MESP1: variants seen among roughly 807,000 people sequenced by gnomAD.
The protein encoded by MESP1 is mesoderm posterior bHLH transcription factor 1.
In MESP1, 22 loss-of-function variants were observed where a neutral mutation model predicts 15.2. The observed-to-expected ratio is 1.45, with a 90% CI of 1.04 to 2.07. The LOEUF is 2.07. Ranked by LOEUF, MESP1 falls within the 30% of genes most tolerant of loss-of-function variation. MESP1 has a pLI of 0.00. For synonymous variants in MESP1, 216 were observed against 192.6 expected, an observed-to-expected ratio of 1.12 and a Z score of -1.01; for missense variants, 484 against 411.9, an observed-to-expected ratio of 1.17 and a Z score of -1.51.
downstream of MESP1, among the ~76,000 whole-genome samples, chr15:89,745,561 A>G: frequency 6.6e-6 from 1 of 152,128 alleles, no homozygotes; most frequent in East Asian, 1.9e-4. The surrounding 1 kb of genome is among the most constrained non-coding windows in gnomAD (Gnocchi z 4.8). Flanking sequence ...CAGGAGATCG[A>G]GACCATCCTG....
chr15:89,735,662 G>A, the MESP1 span: 1 of 1,108,950 alleles, frequency 9.0e-7, no homozygotes, highest in South Asian at 1.3e-5. Context: ...TTATGTGTTA[G>A]GCACTGGACT....
chr15:89,743,338 G>T, the MESP1 span: 1 of 1,614,092 alleles, frequency 6.2e-7, no homozygotes, highest in Admixed American at 1.7e-5. Flanking sequence ...GGAGCACTGG[G>T]CCCGGCTTCA....
At chr15:89,739,747 C>G in the MESP1 span, among the ~76,000 whole-genome samples, 1 of 152,136 alleles carries the variant, frequency 6.6e-6, no homozygotes, top group African/African-American at 2.4e-5. Context: ...CTAGATGTTC[C>G]TATGTATGTA....
At chr15:89,736,004 G>A in the MESP1 span, among the ~76,000 whole-genome samples, 1 of 152,226 alleles carries the variant, frequency 6.6e-6, no homozygotes, top group South Asian at 2.1e-4. Context: ...GCTGTGGAAT[G>A]TGGAGAGGGA....
chr15:89,737,177 C>T, the MESP1 span, among the ~76,000 whole-genome samples: 2 of 152,178 alleles, frequency 1.3e-5, no homozygotes, highest in African/African-American at 4.8e-5. Flanking sequence ...CAGCTCAGAT[C>T]TCAGGCCAGG....
chr15:89,733,247 A>ATTTT, the MESP1 span: 1 of 1,598,000 alleles, frequency 6.3e-7, no homozygotes, highest in Non-Finnish European at 8.6e-7. Flanking sequence ...GGGACGGGGT[A>ATTTT]AATAATTGGC....
the MESP1 span, chr15:89,732,981 C>A: frequency 1.2e-6 from 2 of 1,610,418 alleles, no homozygotes; most frequent in Non-Finnish European, 1.7e-6. Flanking sequence ...GTTTTCTGAC[C>A]GGCTTGTGTG....
the MESP1 span, among the ~76,000 whole-genome samples, chr15:89,738,678 T>C: frequency 2.0e-5 from 3 of 149,192 alleles, no homozygotes; most frequent in Non-Finnish European, 1.5e-5. Context: ...TTCTACCCCA[T>C]GATAGCCCAT....
rs1394233411 is a variant in MESP1 at position 89,750,927 on chromosome 15, A to G, written c.305T>C (p.Leu102Pro). The G allele has an allele frequency of 1.4e-6, 2 of 1,469,520 alleles. No homozygotes were observed. The highest frequency in any genetic ancestry group is 1.8e-6 in the Non-Finnish European group (2 of 1,114,304). 91.0% of individuals were successfully genotyped at this position (1,469,520 alleles called of 1,614,324 possible). A position where few individuals can be genotyped will look rare whatever the true frequency, so the allele number is the denominator to read the frequency against. Reference sequence around the variant, plus strand: ...CGGTAGAAAGCGGCGCAGCTCGTGCAGGGCGCGGGCCAGCGTGCGCATGCG... The same window carrying G: ...CGGTAGAAAGCGGCGCAGCTCGTGCGGGGCGCGGGCCAGCGTGCGCATGCG... ...KLRMRTLARA[L>P]HELRRFLPPS... Residue 102 changes from leucine (L) to proline (P), a missense_variant, in exon 1 of 2, where the codon CTG becomes CCG. Transcript: ENST00000300057.
Position 89,750,047 on chromosome 15 carries a change from C to G in MESP1, c.*97G>C. ...AATGCCCCCGTCGGGATCGCCCGTG[C>G]CCTCTTCCAGGAAAGGCAGTCTGCC... On this transcript the variant is annotated 3_prime_UTR_variant, in exon 2 of 2. Transcript: ENST00000300057. The G allele has an allele frequency of 8.1e-7, 1 of 1,231,766 alleles. No individual in the cohort carries two copies. Among genetic ancestry groups the G allele is most frequent in the Non-Finnish European group, 1.2e-6 (1 of 835,760 alleles). 76.3% of individuals were successfully genotyped at this position (1,231,766 alleles called of 1,614,324 possible).
At chr15:89,739,794 CATA>C in the MESP1 span, among the ~76,000 whole-genome samples, 6 of 152,168 alleles carry the variant, frequency 3.9e-5, no homozygotes, top group African/African-American at 1.4e-4. Flanking sequence ...CTCCAATCAC[CATA>C]ATGTCTCTTC....
At position 89,750,845 on chromosome 15, in the gene MESP1, A is replaced by T. The variant is rs757124347; in HGVS notation, c.387T>A (p.Ala129=). The T allele has an allele frequency of 1.5e-5, 23 of 1,531,106 alleles. No homozygotes were observed. The South Asian group carries it at 2.7e-4, about 18-fold the overall frequency. The allele number at this position is 1,531,106 out of a possible 1,614,324, so 94.8% of individuals were successfully genotyped here. A position where few individuals can be genotyped will look rare whatever the true frequency, so the allele number is the denominator to read the frequency against. The change falls in exon 1 of 2, where the codon GCT becomes GCA. Residue 129 remains alanine, a synonymous_variant. Transcript: ENST00000300057. ...CCGACAGGTGGCCGATATAGCGGAT[A>T]GCCAGGCGCAGCGTCTCGATCTTGG... ...SLTKIETLRL[A]IRYIGHLSAV... is the part of the protein sequence containing the mutation.
chr15:89,746,394 CCACACA>C (rs1414136152), downstream of MESP1, among the ~76,000 whole-genome samples: 5 of 144,708 alleles, frequency 3.5e-5, no homozygotes, highest in African/African-American at 1.4e-4. Flanking sequence ...ATCCACACAT[CCACACA>C]GCATCCACAC....
the MESP1 span, among the ~76,000 whole-genome samples, chr15:89,737,251 T>G: frequency 6.6e-6 from 1 of 151,894 alleles, no homozygotes; most frequent in Non-Finnish European, 1.5e-5. Flanking sequence ...GGAGCACAGG[T>G]GAGAAATGGA....
chr15:89,734,472 G>A, the MESP1 span, among the ~76,000 whole-genome samples: 1 of 152,168 alleles, frequency 6.6e-6, no homozygotes. Context: ...CAGCAGGAGA[G>A]GGCAACCATA....
Position 89,750,791 on chromosome 15 carries a change from G to T in MESP1, c.441C>A (p.Leu147=), listed in dbSNP as rs748867085. The change falls in exon 1 of 2, where the codon CTC becomes CTA. Residue 147 remains leucine, a synonymous_variant. Transcript: ENST00000300057. The part of the protein sequence containing the change: ...SAVLGLSEES[L]QRRCRQRGDA... Reference sequence around the variant, plus strand: ...CACCGCGCTGCCGGCACCGGCGCTGGAGACTCTCCTCGCTGAGGCCTAGCA... The same window carrying T: ...CACCGCGCTGCCGGCACCGGCGCTGTAGACTCTCCTCGCTGAGGCCTAGCA... The T allele has an allele frequency of 1.3e-5, 20 of 1,520,400 alleles. No individual in the cohort carries two copies. Among genetic ancestry groups the T allele is most frequent in the Non-Finnish European group, 1.8e-5 (20 of 1,140,310 alleles). 94.2% of individuals were successfully genotyped at this position (1,520,400 alleles called of 1,614,324 possible). A position where few individuals can be genotyped will look rare whatever the true frequency, so the allele number is the denominator to read the frequency against.
the MESP1 span, among the ~76,000 whole-genome samples, chr15:89,735,973 C>T: frequency 6.6e-6 from 1 of 152,148 alleles, no homozygotes; most frequent in Non-Finnish European, 1.5e-5. Context: ...CAGGAAGTCC[C>T]AGTATCTGCC....
rs866371758 is a variant in MESP1, at chr15:89,751,182, G to T, written c.50C>A (p.Ala17Glu). 2.4e-6 allele frequency: 3 copies of T among 1,269,986 alleles called. No homozygotes were observed. Among genetic ancestry groups the T allele is most frequent in the East Asian group, 5.9e-5 (2 of 33,686 alleles). 78.7% of individuals were successfully genotyped at this position (1,269,986 alleles called of 1,614,324 possible). Reference protein sequence around the residue: ...PPLSESWMLSAAWGPTRRPPP... With the variant: ...PPLSESWMLSEAWGPTRRPPP... ...CGGCCGCCGAGTTGGGCCCCAGGCC[G>T]CAGAGAGCATCCAGGACTCGGAGAG... The change falls in exon 1 of 2, where the codon GCG (alanine) becomes GAG (glutamate). Residue 17 changes from alanine to glutamate, a missense_variant. Coordinates refer to ENST00000300057, the MANE Select transcript of MESP1 (RefSeq NM_018670.4).
At position 89,751,091 on chromosome 15, in the gene MESP1, T is replaced by A. The variant is rs763879907; in HGVS notation, c.141A>T (p.Pro47=). 1 of 1,141,926 alleles carries A rather than the reference T, an allele frequency of 8.8e-7. No individual in the cohort carries two copies. The highest frequency in any genetic ancestry group is 2.8e-5 in the South Asian group (1 of 36,228). 70.7% of individuals were successfully genotyped at this position (1,141,926 alleles called of 1,614,324 possible). A position where few individuals can be genotyped will look rare whatever the true frequency, so the allele number is the denominator to read the frequency against. The part of the protein sequence containing the change: ...VSSPDSWGST[P]ADSPVASPAR... Reference sequence around the variant, plus strand: ...CGGGGCTCGCCACGGGGCTGTCGGCTGGGGTGCTGCCCCATGAGTCTGGGG... The same window carrying A: ...CGGGGCTCGCCACGGGGCTGTCGGCAGGGGTGCTGCCCCATGAGTCTGGGG... Residue 47 remains proline, a synonymous_variant, in exon 1 of 2, where the codon CCA becomes CCT. Coordinates refer to ENST00000300057, the MANE Select transcript of MESP1 (RefSeq NM_018670.4).
Sources: gnomAD v4.1 joint callset for allele counts (sites outside exome capture counted in the v4.1 genomes callset) on GRCh38, gnomAD v4.1.1 for gene constraint, Gnocchi (gnomAD v3.1) non-coding constraint, MANE v1.5 for transcripts, NCBI Gene and HGNC (gene_info 2026-07-23, HGNC 2026-07-21) for gene names.